The following ITFG1 variants were observed in gnomAD, a reference collection of about 807,000 sequenced individuals.
ITFG1 encodes integrin alpha FG-GAP repeat containing 1, also known as T-cell immunomodulatory protein.
Under a neutral mutation model 81.8 loss-of-function variants are expected in ITFG1, and 34 were observed. The ratio of observed to expected loss-of-function variants is 0.42; its 90% CI spans 0.32 to 0.55. ITFG1 has a LOEUF of 0.55. Among genes scored for constraint, ITFG1 ranks in the 20% least tolerant of loss-of-function variants. The pLI is 0.17. For synonymous variants in ITFG1, 285 were observed against 270.6 expected, an observed-to-expected ratio of 1.05 and a Z score of -0.52; for missense variants, 672 against 755.4, an observed-to-expected ratio of 0.89 and a Z score of 1.29.
At chr16:47,426,417 A>T (rs1228265343) in intron 6 of ITFG1, 1 of 151,534 alleles carries the variant, frequency 6.6e-6, no homozygotes, top group Non-Finnish European at 1.5e-5. Flanking sequence ...TAAAAAAATG[A>T]ACCTATAAGT....
intron 8 of ITFG1, among the ~76,000 whole-genome samples, chr16:47,352,763 G>A (rs921629419): frequency 6.6e-6 from 1 of 152,176 alleles, no homozygotes; most frequent in African/African-American, 2.4e-5. Flanking sequence ...GCACACATAT[G>A]TTTATTGCGA....
chr16:47,313,610 C>T (rs562266838), intron 9 of ITFG1, 119 bp downstream of exon 9: 5 of 419,500 alleles, frequency 1.2e-5, no homozygotes, highest in South Asian at 8.7e-5. Flanking sequence ...ATGAGGAAGT[C>T]GGTAACTTAA....
At chr16:47,327,529 T>C (rs1429751545) in intron 8 of ITFG1, among the ~76,000 whole-genome samples, 1 of 151,808 alleles carries the variant, frequency 6.6e-6, no homozygotes, top group Non-Finnish European at 1.5e-5. Context: ...ACCATCAGAG[T>C]GAACAGGCAA....
intron 8 of ITFG1, among the ~76,000 whole-genome samples, chr16:47,343,473 T>C (rs1036446437): frequency 6.6e-6 from 1 of 152,058 alleles, no homozygotes; most frequent in Non-Finnish European, 1.5e-5. Context: ...GGATTTAATA[T>C]GTAGAATATA....
In ITFG1 at chr16:47,311,241, T is replaced by C; in HGVS notation, c.1069A>G (p.Ser357Gly). Reference sequence around the variant, plus strand: ...TCTCACTTGATTTAATTTCCTTACCTTCCAGATGTGTTCTTTAGTATGACC... The same window carrying C: ...TCTCACTTGATTTAATTTCCTTACCCTCCAGATGTGTTCTTTAGTATGACC... ...ALVILKNTSG[S>G]NQQAFLLENV... The change falls in exon 10 of 18, where the codon AGC becomes GGC. Residue 357 changes from serine (S) to glycine (G), a missense_variant and splice_region_variant. By Grantham distance (56) the Ser-to-Gly change is moderately conservative. Transcript: ENST00000320640. The C allele has an allele frequency of 6.2e-7, 1 of 1,601,726 alleles. No homozygotes were observed. Among genetic ancestry groups the C allele is most frequent in the Non-Finnish European group, 8.5e-7 (1 of 1,173,550 alleles).
chr16:47,367,128 T>C (rs1339219844), intron 7 of ITFG1, among the ~76,000 whole-genome samples: 12 of 152,174 alleles, frequency 7.9e-5, no homozygotes, highest in Admixed American at 7.9e-4. Context: ...ATTTACTTAG[T>C]TATTATAGAG....
intron 14 of ITFG1, among the ~76,000 whole-genome samples, chr16:47,189,001 T>G (rs1965260576): frequency 6.6e-6 from 1 of 152,150 alleles, no homozygotes; most frequent in South Asian, 2.1e-4. Flanking sequence ...CCAACCTCAG[T>G]GATCCACCTG....
intron 8 of ITFG1, among the ~76,000 whole-genome samples, chr16:47,345,854 G>A (rs1001996380): frequency 1.3e-5 from 2 of 152,296 alleles, no homozygotes; most frequent in Non-Finnish European, 2.9e-5. Context: ...TGTAGAAAAT[G>A]ACCATATATG....
intron 6 of ITFG1, among the ~76,000 whole-genome samples, chr16:47,410,251 C>T (rs1968793120): frequency 6.6e-6 from 1 of 152,046 alleles, no homozygotes; most frequent in African/African-American, 2.4e-5. Context: ...TGCATTCCAG[C>T]CTGGGTGACA....
At chr16:47,449,299 C>T (rs180804750) in intron 5 of ITFG1, 31 of 152,320 alleles carry the variant, frequency 2.0e-4, no homozygotes, top group African/African-American at 7.2e-4. Flanking sequence ...AAAGATTAGG[C>T]TGCCAATCAA....
intron 13 of ITFG1, among the ~76,000 whole-genome samples, chr16:47,232,447 A>G (rs775634738): frequency 6.6e-6 from 1 of 152,218 alleles, no homozygotes; most frequent in Non-Finnish European, 1.5e-5. Flanking sequence ...ATGAAGAAAG[A>G]GAACTTCTGG....
At chr16:47,384,971 G>C (rs1968441979) in intron 6 of ITFG1, among the ~76,000 whole-genome samples, 1 of 152,190 alleles carries the variant, frequency 6.6e-6, no homozygotes, top group Non-Finnish European at 1.5e-5. Flanking sequence ...CAAATACTAT[G>C]TGGTAATGGC....
intron 7 of ITFG1, among the ~76,000 whole-genome samples, chr16:47,369,871 G>C (rs1391718422): frequency 1.0e-5 from 1 of 96,998 alleles, no homozygotes; most frequent in Non-Finnish European, 1.8e-5. Context: ...ATGGAGTCTT[G>C]CTGTGTTGTG....
At chr16:47,289,833 A>G (rs1399043430) in intron 10 of ITFG1, among the ~76,000 whole-genome samples, 1 of 152,050 alleles carries the variant, frequency 6.6e-6, no homozygotes, top group Non-Finnish European at 1.5e-5. Context: ...TGTAGTCTCA[A>G]TTAGTAAAAT....
chr16:47,422,806 T>C (rs1478052663), intron 6 of ITFG1, among the ~76,000 whole-genome samples: 1 of 152,144 alleles, frequency 6.6e-6, no homozygotes, highest in East Asian at 1.9e-4. Flanking sequence ...TATTCTCTGA[T>C]GGTAGTTTGT....
chr16:47,278,280 G>A (rs922981775), intron 10 of ITFG1, among the ~76,000 whole-genome samples: 3 of 152,148 alleles, frequency 2.0e-5, no homozygotes, highest in African/African-American at 7.2e-5. Flanking sequence ...AGTCACAGGG[G>A]TCTCAGTTGT....
intron 8 of ITFG1, among the ~76,000 whole-genome samples, chr16:47,359,019 G>A (rs1331042356): frequency 3.3e-5 from 5 of 152,092 alleles, no homozygotes; most frequent in Admixed American, 6.6e-5. Context: ...GGGTGATGTG[G>A]CAAAACCAGA....
chr16:47,289,030 T>G (rs1013179981), intron 10 of ITFG1, among the ~76,000 whole-genome samples: 2 of 152,198 alleles, frequency 1.3e-5, no homozygotes, highest in Non-Finnish European at 2.9e-5. Context: ...ATATTCCTTC[T>G]GTACCTAAAT....
intron 14 of ITFG1, among the ~76,000 whole-genome samples, chr16:47,217,449 T>A (rs1164237011): frequency 6.6e-6 from 1 of 152,232 alleles, no homozygotes; most frequent in Non-Finnish European, 1.5e-5. Context: ...ACATCTTACC[T>A]AGCACTGAAA....
Sources: gnomAD v4.1 joint callset for allele counts (sites outside exome capture counted in the v4.1 genomes callset) on GRCh38, gnomAD v4.1.1 for gene constraint, MANE v1.5 for transcripts, NCBI Gene and HGNC (gene_info 2026-07-23, HGNC 2026-07-21) for gene names.